MAST4: variants seen among roughly 807,000 people sequenced by gnomAD.
The protein encoded by MAST4 is microtubule-associated serine/threonine-protein kinase 4.
Under a neutral mutation model 162.7 loss-of-function variants are expected in MAST4, and 89 were observed. The ratio of observed to expected loss-of-function variants is 0.55; its 90% CI spans 0.46 to 0.65. MAST4 has a LOEUF of 0.65. MAST4 is among the 30% of genes least tolerant of loss of function. MAST4 has a pLI of 0.00. For missense variants in MAST4, 3,153 were observed against 3,374.0 expected (o/e 0.93, Z 1.62); for synonymous variants, 1,479 against 1,361.1 (o/e 1.09, Z -1.91).
Position 67,114,089 on chromosome 5 carries a change from A to G in MAST4, c.1461A>G (p.Glu487=), listed in dbSNP as rs1329361459. 6.2e-7 allele frequency: 1 copy of G among 1,613,772 alleles called. No individual in the cohort carries two copies. Among genetic ancestry groups the G allele is most frequent in the Middle Eastern group, 1.6e-4 (1 of 6,062 alleles). Reference sequence around the variant, plus strand: ...CATCTGTGATTGTCTTCGGCTAGGAATTTGATCCGGAAGAATTTTACTACC... The same window carrying G: ...CATCTGTGATTGTCTTCGGCTAGGAGTTTGATCCGGAAGAATTTTACTACC... ...ARPARLLECL[E]FDPEEFYYLL... The change falls in exon 12 of 29, where the codon GAA becomes GAG. Residue 487 remains glutamate (E), a splice_region_variant and synonymous_variant. Coordinates refer to ENST00000403625, the MANE Select transcript of MAST4 (RefSeq NM_001164664.2).
intron 1 of MAST4, among the ~76,000 whole-genome samples, chr5:66,597,535 TG>T (rs10714052): frequency 0.22 from 33,500 of 151,576 alleles, 4,103 homozygotes; most frequent in South Asian, 0.34. Context: ...CGCCCGCGGG[TG>T]GTTTTGGCGC....
intron 1 of MAST4, among the ~76,000 whole-genome samples, chr5:66,674,717 T>A (rs899024286): frequency 3.3e-5 from 5 of 152,176 alleles, no homozygotes; most frequent in African/African-American, 7.2e-5. Context: ...GAAGTGGAGA[T>A]AGTCACTTCT....
Position 66,715,733 on chromosome 5 carries a change from A to G in MAST4, c.364-43976A>G, listed in dbSNP as rs1353379531. Among the ~76,000 whole-genome samples, 17 of 33,932 alleles carry G rather than the reference A, an allele frequency of 5.0e-4. No individual in the cohort carries two copies. In the African/African-American group the frequency reaches 5.7e-3, roughly 11 times the overall value. 22.3% of individuals were successfully genotyped at this position (33,932 alleles called of 152,430 possible). A position where few individuals can be genotyped will look rare whatever the true frequency, so the allele number is the denominator to read the frequency against. Reference sequence around the variant, plus strand: ...AAAGACTGGTTCAGGCCATGACAGGAAAAAAAAAAAAAAAAAATGGAGTGG... The same window carrying G: ...AAAGACTGGTTCAGGCCATGACAGGGAAAAAAAAAAAAAAAAATGGAGTGG... On this transcript the variant is annotated intron_variant, in intron 1 of 28. Coordinates refer to ENST00000403625, the MANE Select transcript of MAST4 (RefSeq NM_001164664.2).
intron 3 of MAST4, among the ~76,000 whole-genome samples, chr5:66,801,828 A>G (rs1027422246): frequency 6.6e-6 from 1 of 152,236 alleles, no homozygotes; most frequent in Non-Finnish European, 1.5e-5. Flanking sequence ...AATTGCATGT[A>G]TTCAAACATC....
chr5:66,657,386 T>C (rs1746621386), intron 1 of MAST4, among the ~76,000 whole-genome samples: 1 of 152,200 alleles, frequency 6.6e-6, no homozygotes, highest in African/African-American at 2.4e-5. Context: ...AATTGGACAA[T>C]ACCCAGAGAC....
At chr5:66,877,275 G>A (rs146489237) in intron 3 of MAST4, among the ~76,000 whole-genome samples, 15 of 152,298 alleles carry the variant, frequency 9.8e-5, no homozygotes, top group Middle Eastern at 3.4e-3. Flanking sequence ...ACTGCTATGG[G>A]GAGCAATGGG....
rs1417754963 is a variant in MAST4 at position 67,165,738 on chromosome 5, A to G, written c.6559A>G (p.Ser2187Gly). The G allele has an allele frequency of 1.9e-6, 3 of 1,579,452 alleles. No homozygotes were observed. The highest frequency in any genetic ancestry group is 2.4e-5 in the East Asian group (1 of 42,418). Residue 2187 changes from serine to glycine, a missense_variant, in exon 29 of 29, where the codon AGT becomes GGT. Physicochemically the swap from Ser to Gly is moderately conservative, Grantham distance 56. Transcript: ENST00000403625. ...CCCTCCCAAGCCTGTTGCTGCGCAC[A>G]GTGAAAGCAGCAGCCACAAGCCCCG... Reference protein sequence around the residue: ...QDPPKPVAAHSESSSHKPRPG... With the variant: ...QDPPKPVAAHGESSSHKPRPG...
At chr5:66,902,812 C>T (rs1445467140) in intron 4 of MAST4, 2 of 391,408 alleles carry the variant, frequency 5.1e-6, no homozygotes, top group African/African-American at 2.2e-5. Flanking sequence ...CTTCTTTTTC[C>T]ATTCAACGAA....
chr5:66,893,979 C>T (rs1053796959), intron 3 of MAST4, among the ~76,000 whole-genome samples: 4 of 152,106 alleles, frequency 2.6e-5, no homozygotes, highest in East Asian at 1.9e-4. Context: ...TTTAGGAGAT[C>T]CTATCCCTGG....
chr5:67,163,116 A>C lies in MAST4; in HGVS notation c.3968-31A>C. 6.3e-7 allele frequency: 1 copy of C among 1,575,252 alleles called. No individual in the cohort carries two copies. Among genetic ancestry groups the C allele is most frequent in the South Asian group, 1.2e-5 (1 of 86,742 alleles). ...GAAAAAAAGGGGAAAATGACCATGG[A>C]TGCTCACAGCCTTCTGTTTTCCATC... On this transcript the variant is annotated intron_variant, in intron 28 of 28. Coordinates refer to ENST00000403625, the MANE Select transcript of MAST4 (RefSeq NM_001164664.2). The surrounding 1 kb of genome is among the most constrained non-coding windows in gnomAD (Gnocchi z 7.0).
chr5:66,866,920 GTTTGT>G (rs1760569192), intron 3 of MAST4, among the ~76,000 whole-genome samples: 1 of 37,884 alleles, frequency 2.6e-5, no homozygotes, highest in Non-Finnish European at 1.1e-4. Flanking sequence ...AGGCTTTTTT[GTTTGT>G]TTGTTTGTTT....
rs571518365 is a variant in MAST4, at chr5:67,050,791, CTG to C, written c.675-3610_675-3609del. On this transcript the variant is annotated intron_variant, in intron 4 of 28. Coordinates refer to ENST00000403625, the MANE Select transcript of MAST4 (RefSeq NM_001164664.2). ...TCACTTTCCAAATTCAGAGAACAAACTGTGCAACTCACCCACAGGAAAGTAAG... is the reference window on the plus strand; with the variant it reads ...TCACTTTCCAAATTCAGAGAACAAACTGCAACTCACCCACAGGAAAGTAAG... Among the ~76,000 whole-genome samples, 49 of 152,278 alleles carry C rather than the reference CTG, an allele frequency of 3.2e-4. No individual in the cohort carries two copies. In the South Asian group the frequency reaches 5.2e-3, roughly 16 times the overall value.
chr5:66,902,894 A>G (rs1238165495), intron 4 of MAST4, among the ~76,000 whole-genome samples: 2 of 152,090 alleles, frequency 1.3e-5, no homozygotes, highest in Non-Finnish European at 2.9e-5. Flanking sequence ...CTTGGAACTA[A>G]AGTTATCACA....
chr5:66,761,574 T>A (rs1195355348), intron 2 of MAST4, among the ~76,000 whole-genome samples: 1 of 152,092 alleles, frequency 6.6e-6, no homozygotes, highest in Non-Finnish European at 1.5e-5. Flanking sequence ...TTTTTTTTTT[T>A]TGGAGAACTA....
chr5:66,908,391 A>G (rs963598870), intron 4 of MAST4, among the ~76,000 whole-genome samples: 1 of 152,176 alleles, frequency 6.6e-6, no homozygotes, highest in Non-Finnish European at 1.5e-5. Context: ...GTGCATTGCC[A>G]AACACCCTTG....
intron 4 of MAST4, among the ~76,000 whole-genome samples, chr5:67,011,482 C>T (rs1752665015): frequency 6.6e-6 from 1 of 152,230 alleles, no homozygotes; most frequent in South Asian, 2.1e-4. Flanking sequence ...CCCTTCAGTC[C>T]TTCTGTCATT....
At chr5:67,033,413 A>AT (rs397936280) in intron 4 of MAST4, among the ~76,000 whole-genome samples, 1 of 151,046 alleles carries the variant, frequency 6.6e-6, no homozygotes, top group Non-Finnish European at 1.5e-5. Flanking sequence ...CAAAAAAAAA[A>AT]GCAGTCAAGC....
intron 4 of MAST4, among the ~76,000 whole-genome samples, chr5:66,949,772 T>C (rs181638925): frequency 1.3e-5 from 2 of 152,208 alleles, no homozygotes; most frequent in Non-Finnish European, 2.9e-5. Context: ...TAATTTACTT[T>C]TAATTTTCTA....
At chr5:67,046,085 A>G (rs961067431) in intron 4 of MAST4, among the ~76,000 whole-genome samples, 5 of 152,162 alleles carry the variant, frequency 3.3e-5, no homozygotes, top group African/African-American at 7.2e-5. Flanking sequence ...GTACAGTAAC[A>G]TGCTATACAG....
Sources: allele counts gnomAD v4.1 joint callset (sites outside exome capture counted in the v4.1 genomes callset), GRCh38; gene constraint gnomAD v4.1.1; non-coding constraint Gnocchi (gnomAD v3.1); transcripts MANE v1.5; gene names NCBI Gene and HGNC (gene_info 2026-07-23, HGNC 2026-07-21).